Variants in TENM3 observed in about 807,000 individuals in gnomAD.
The protein encoded by TENM3 is teneurin-3.
In TENM3, 63 loss-of-function variants were observed where a neutral mutation model predicts 255.1. That is an observed-to-expected ratio of 0.25 (90% CI 0.20 to 0.30). The LOEUF is 0.30. Ranked by LOEUF, TENM3 falls within the 10% of genes least tolerant of loss-of-function variation. TENM3 has a pLI of 1.00. For missense variants in TENM3, 2,929 were observed against 3,461.1 expected, an observed-to-expected ratio of 0.85 and a Z score of 3.86; for synonymous variants, 1,306 against 1,322.3, an observed-to-expected ratio of 0.99 and a Z score of 0.27.
At chr4:181,803,760 T>C in the TENM3 span, among the ~76,000 whole-genome samples, 1 of 151,658 alleles carries the variant, frequency 6.6e-6, no homozygotes, top group African/African-American at 2.4e-5. Context: ...GTGAGATCCT[T>C]GTCCCTTAAA....
chr4:182,015,639 C>A, the TENM3 span, among the ~76,000 whole-genome samples: 1 of 152,242 alleles, frequency 6.6e-6, no homozygotes, highest in East Asian at 1.9e-4. Flanking sequence ...TGGCTCACTG[C>A]AACCTCCGCC....
the TENM3 span, chr4:181,874,688 T>G: frequency 2.0e-5 from 3 of 152,326 alleles, no homozygotes; most frequent in Admixed American, 2.0e-4. Context: ...CCACACAGAC[T>G]TCTACTCCTT....
chr4:181,738,735 A>T, the TENM3 span, among the ~76,000 whole-genome samples: 42 of 151,930 alleles, frequency 2.8e-4, no homozygotes, highest in Non-Finnish European at 3.7e-4. Flanking sequence ...CTCCTAAATT[A>T]TGGAGGGGGA....
chr4:181,739,136 A>T, the TENM3 span, among the ~76,000 whole-genome samples: 1 of 152,202 alleles, frequency 6.6e-6, no homozygotes, highest in East Asian at 1.9e-4. Context: ...AACGCCAGCC[A>T]TCAGAGAAAA....
intron 12 of TENM3, chr4:182,708,027 C>T (rs1446269636): frequency 1.3e-5 from 2 of 149,018 alleles, no homozygotes; most frequent in African/African-American, 2.5e-5. Context: ...CTCCAAGAGA[C>T]GACATTGTGA....
the TENM3 span, among the ~76,000 whole-genome samples, chr4:181,638,622 G>A: frequency 6.6e-6 from 1 of 152,114 alleles, no homozygotes; most frequent in Non-Finnish European, 1.5e-5. Flanking sequence ...AGAGAGATTT[G>A]CTCTTTTTGC....
At chr4:182,100,180 T>A in the TENM3 span, among the ~76,000 whole-genome samples, 1 of 151,884 alleles carries the variant, frequency 6.6e-6, no homozygotes, top group South Asian at 2.1e-4. Context: ...TTTGACCCCA[T>A]GTTTGCAGAG....
intron 1 of TENM3, among the ~76,000 whole-genome samples, chr4:182,319,447 A>G (rs1762921827): frequency 1.3e-5 from 2 of 152,236 alleles, no homozygotes; most frequent in Admixed American, 1.3e-4. Context: ...TATGTACGAA[A>G]ATGAAAAGGA....
intron 13 of TENM3, among the ~76,000 whole-genome samples, chr4:182,728,740 T>A (rs1760430732): frequency 6.6e-6 from 1 of 152,170 alleles, no homozygotes; most frequent in Non-Finnish European, 1.5e-5. Flanking sequence ...AGCATTATTA[T>A]CTATGGGACC....
chr4:181,744,476 C>A, the TENM3 span, among the ~76,000 whole-genome samples: 1 of 152,174 alleles, frequency 6.6e-6, no homozygotes, highest in Admixed American at 6.5e-5. Flanking sequence ...TTCTCTGCAA[C>A]CTCACCAGCA....
chr4:182,095,195 A>T, the TENM3 span, among the ~76,000 whole-genome samples: 2 of 152,322 alleles, frequency 1.3e-5, no homozygotes, highest in Admixed American at 1.3e-4. Flanking sequence ...AAAAGAAAGG[A>T]AATCAGTGTA....
intron 12 of TENM3, among the ~76,000 whole-genome samples, chr4:182,704,424 G>A (rs185917794): frequency 3.5e-4 from 54 of 152,268 alleles, no homozygotes; most frequent in African/African-American, 1.2e-3. Flanking sequence ...ACCAAATTCT[G>A]TTCTACCAGT....
chr4:181,813,636 A>T, the TENM3 span, among the ~76,000 whole-genome samples: 1 of 152,232 alleles, frequency 6.6e-6, no homozygotes, highest in Non-Finnish European at 1.5e-5. Context: ...CAGAAATGAG[A>T]TGGATTTCAA....
At chr4:182,039,199 G>A in the TENM3 span, among the ~76,000 whole-genome samples, 4 of 152,164 alleles carry the variant, frequency 2.6e-5, no homozygotes, top group African/African-American at 9.7e-5. Context: ...AACGCCTCAA[G>A]ATGTTTGAAT....
the TENM3 span, among the ~76,000 whole-genome samples, chr4:181,939,294 C>T: frequency 6.6e-6 from 1 of 152,294 alleles, no homozygotes; most frequent in Non-Finnish European, 1.5e-5. Flanking sequence ...ATGCCGGGAA[C>T]TCGTTTCTGG....
intron 3 of TENM3, among the ~76,000 whole-genome samples, chr4:182,359,047 C>G (rs556805106): frequency 7.3e-4 from 110 of 151,586 alleles, no homozygotes; most frequent in African/African-American, 2.6e-3. Context: ...ATTGAACCAG[C>G]CTTGCACCCC....
chr4:182,448,957 T>C (rs564058067), intron 3 of TENM3: 21 of 393,650 alleles, frequency 5.3e-5, no homozygotes, highest in South Asian at 1.5e-4. Context: ...CAGCCTATCA[T>C]GTCTGGCCGC....
intron 17 of TENM3, among the ~76,000 whole-genome samples, chr4:182,738,061 AG>A (rs1761309242): frequency 6.6e-6 from 1 of 152,178 alleles, no homozygotes. Context: ...CGTTATTTTT[AG>A]TTGTTATCTA....
intron 3 of TENM3, among the ~76,000 whole-genome samples, chr4:182,570,948 A>C (rs1744299415): frequency 6.6e-6 from 1 of 152,188 alleles, no homozygotes; most frequent in Admixed American, 6.5e-5. Context: ...TGTGTGCTGT[A>C]ATTAGAGTTT....
Sources: allele counts gnomAD v4.1 joint callset (sites outside exome capture counted in the v4.1 genomes callset), GRCh38; gene constraint gnomAD v4.1.1; transcripts MANE v1.5; gene names NCBI Gene and HGNC (gene_info 2026-07-23, HGNC 2026-07-21).